The following KATNB1 variants were observed in gnomAD, a reference collection of about 807,000 sequenced individuals.
KATNB1 encodes the protein katanin p80 WD40 repeat-containing subunit B1.
In KATNB1, 38 loss-of-function variants were observed where a neutral mutation model predicts 82.3. The ratio of observed to expected loss-of-function variants is 0.46; its 90% CI spans 0.36 to 0.61. The LOEUF (loss-of-function observed/expected upper bound fraction) is 0.61, where lower values mean the gene tolerates loss of function less well. Among genes scored for constraint, KATNB1 ranks in the 20% least tolerant of loss-of-function variants. The pLI is 0.00. For missense variants in KATNB1, 749 were observed against 915.7 expected, an observed-to-expected ratio of 0.82 and a Z score of 2.35; for synonymous variants, 361 against 368.7, an observed-to-expected ratio of 0.98 and a Z score of 0.24.
At position 57,744,444 on chromosome 16, in the gene KATNB1, C is replaced by G. The variant is rs375384692; in HGVS notation, c.222C>G (p.Pro74=). The part of the protein sequence containing the change: ...SPVESVRLNT[P]EELIVAGSQS... ...TGGAGAGCGTCCGCCTCAACACCCC[C>G]GAGGAGCTCATCGTGGCCGGCTCTC... Residue 74 remains proline, a synonymous_variant, in exon 4 of 20, where the codon CCC becomes CCG. Coordinates refer to ENST00000379661, the MANE Select transcript of KATNB1 (RefSeq NM_005886.3). The G allele has an allele frequency of 4.3e-6, 7 of 1,614,052 alleles. No individual in the cohort carries two copies. Among genetic ancestry groups the G allele is most frequent in the South Asian group, 3.3e-5 (3 of 91,090 alleles).
Position 57,751,639 on chromosome 16 carries a change from A to G in KATNB1, c.433-2A>G. 2 of 1,610,714 alleles carry G rather than the reference A, an allele frequency of 1.2e-6. No homozygotes were observed. The stretch of plus-strand genomic sequence containing the variant: ...GTGAGCTCATGCCGTGTCCTCCCTC[A>G]GGGGCACAGCCAGGCCGTGCGGTGT... On this transcript the variant is annotated splice_acceptor_variant, in intron 6 of 19. Transcript: ENST00000379661. LOFTEE classifies it high-confidence loss of function. This position sits in a 1 kb window ranked among gnomAD's most constrained non-coding sequence, Gnocchi z 6.3.
chr16:57,747,284 G>A (rs1218171986), intron 4 of KATNB1, among the ~76,000 whole-genome samples: 2 of 152,198 alleles, frequency 1.3e-5, no homozygotes, highest in African/African-American at 4.8e-5. Context: ...GGATTTTGCC[G>A]AGGCTGCTTT....
Position 57,741,967 on chromosome 16 carries a change from C to T in KATNB1, c.171+150C>T, listed in dbSNP as rs1198433213. The T allele has an allele frequency of 1.2e-5, 11 of 912,472 alleles. No individual in the cohort carries two copies. The East Asian group carries it at 1.3e-4, about 11-fold the overall frequency. The allele number at this position is 912,472 out of a possible 1,614,324, so 56.5% of individuals were successfully genotyped here. ...GGGCCCAGCTCAGGGGTGGAGGGGG[C>T]GTGGTGGGGACACCATCAGTGCTTC... On this transcript the variant is annotated intron_variant, in intron 3 of 19. Coordinates refer to ENST00000379661, the MANE Select transcript of KATNB1 (RefSeq NM_005886.3).
chr16:57,756,254 G>A, intron 18 of KATNB1, 102 bp from the exon 19 acceptor site: 1 of 1,166,930 alleles, frequency 8.6e-7, no homozygotes, highest in Non-Finnish European at 1.3e-6. Flanking sequence ...GTGTGGGTGT[G>A]TCTGTGTCTG....
chr16:57,744,409 A>T lies in KATNB1; in HGVS notation c.187A>T (p.Thr63Ser), dbSNP rs1429778607. Reference sequence around the variant, plus strand: ...CTCTCCACAGAGCCTGACGGGCCACACATCCCCAGTGGAGAGCGTCCGCCT... The same window carrying T: ...CTCTCCACAGAGCCTGACGGGCCACTCATCCCCAGTGGAGAGCGTCCGCCT... ...PNCIMSLTGH[T>S]SPVESVRLNT... The change falls in exon 4 of 20, where the codon ACA becomes TCA. Residue 63 changes from threonine to serine, a missense_variant. Physicochemically the swap from Thr to Ser is moderately conservative, Grantham distance 58. Coordinates refer to ENST00000379661, the MANE Select transcript of KATNB1 (RefSeq NM_005886.3). The T allele has an allele frequency of 1.2e-6, 2 of 1,613,522 alleles. No homozygotes were observed. Among genetic ancestry groups the T allele is most frequent in the African/African-American group, 2.7e-5 (2 of 75,052 alleles).
chr16:57,747,574 G>A (rs551217692), intron 4 of KATNB1, among the ~76,000 whole-genome samples: 5 of 152,338 alleles, frequency 3.3e-5, no homozygotes, highest in East Asian at 1.9e-4. Context: ...CAGGCTTTGC[G>A]TCTCGGCACG....
At chr16:57,740,493 C>T (rs923905720) in intron 2 of KATNB1, among the ~76,000 whole-genome samples, 2 of 152,228 alleles carry the variant, frequency 1.3e-5, no homozygotes, top group Admixed American at 6.5e-5. Flanking sequence ...CTCTGTGGAG[C>T]GCCGTGGCTC....
At chr16:57,756,230 G>T in intron 18 of KATNB1, 126 bp from the exon 19 acceptor site, 1 of 1,099,004 alleles carries the variant, frequency 9.1e-7, no homozygotes, top group Non-Finnish European at 1.4e-6. Flanking sequence ...GGAAACAGGC[G>T]TGTGTGGGTG....
Position 57,751,428 on chromosome 16 carries a change from A to G in KATNB1, c.432+126A>G. The G allele has an allele frequency of 4.6e-6, 5 of 1,090,658 alleles. No individual in the cohort carries two copies. The highest frequency in any genetic ancestry group is 7.0e-6 in the Non-Finnish European group (5 of 716,984). The allele number at this position is 1,090,658 out of a possible 1,614,324, so 67.6% of individuals were successfully genotyped here. On this transcript the variant is annotated intron_variant, in intron 6 of 19. Transcript: ENST00000379661. This position sits in a 1 kb window ranked among gnomAD's most constrained non-coding sequence, Gnocchi z 6.3. Reference sequence around the variant, plus strand: ...ACATGGGTGATAACATAAAACATAGACCTGGAGCTGAGCAGGAGCGCCATG... The same window carrying G: ...ACATGGGTGATAACATAAAACATAGGCCTGGAGCTGAGCAGGAGCGCCATG...
At chr16:57,754,837 A>T in intron 13 of KATNB1, 93 bp from the exon 14 acceptor site, 1 of 1,292,264 alleles carries the variant, frequency 7.7e-7, no homozygotes, top group South Asian at 1.2e-5. Context: ...CCATCCCCCC[A>T]TTGCAGATGC....
chr16:57,755,605 A>T (rs1567903882), intron 16 of KATNB1, 111 bp downstream of exon 16: 2 of 1,396,654 alleles, frequency 1.4e-6, no homozygotes, highest in African/African-American at 2.9e-5. Flanking sequence ...ACAGTGTGGG[A>T]TAGGCCATCC....
At chr16:57,752,103 C>T (rs529165099) in intron 8 of KATNB1, 48 bp downstream of exon 8, 24 of 1,204,004 alleles carry the variant, frequency 2.0e-5, no homozygotes, top group African/African-American at 9.0e-5. Flanking sequence ...TGTCCTTCAC[C>T]GCCTTGTCCT....
At chr16:57,741,624 C>A in intron 2 of KATNB1, 63 bp from the exon 3 acceptor site, 1 of 1,551,924 alleles carries the variant, frequency 6.4e-7, no homozygotes, top group Admixed American at 1.8e-5. Flanking sequence ...AGCAGGGTCA[C>A]CCCTCCTTCA....
chr16:57,740,162 G>A (rs1317396832), intron 2 of KATNB1, among the ~76,000 whole-genome samples: 2 of 152,116 alleles, frequency 1.3e-5, no homozygotes, highest in Non-Finnish European at 2.9e-5. Flanking sequence ...TCATCGAGAC[G>A]GGACTAAAGT....
Position 57,756,040 on chromosome 16 carries a change from G to A in KATNB1, c.1692G>A (p.Glu564=), listed in dbSNP as rs554613545. ...GCACCACCGTCCTGCCACAGATTGAGAAGCTTCTGCAGAGCAAGTATGAGA... is the reference window on the plus strand; with the variant it reads ...GCACCACCGTCCTGCCACAGATTGAAAAGCTTCTGCAGAGCAAGTATGAGA... ...DLCTTVLPQI[E]KLLQSKYESY... is the part of the protein sequence containing the mutation. The change falls in exon 18 of 20, where the codon GAG becomes GAA. Residue 564 remains glutamate, a synonymous_variant. Transcript: ENST00000379661. 71 of 1,610,520 alleles carry A rather than the reference G, an allele frequency of 4.4e-5. 1 individual carries two copies. The Middle Eastern group carries it at 9.9e-4, about 22-fold the overall frequency.
At chr16:57,754,223 A>G (rs1555584823) in intron 13 of KATNB1, among the ~76,000 whole-genome samples, 1 of 151,772 alleles carries the variant, frequency 6.6e-6, no homozygotes, top group Non-Finnish European at 1.5e-5. Context: ...GGGGACAAAC[A>G]TGGACACCAC....
chr16:57,744,508 A>G lies in KATNB1; in HGVS notation c.286A>G (p.Lys96Glu). ...SIRVWDLEAA[K>E]ILRTLMGHKA... ...CCGTGTCTGGGACCTGGAAGCTGCC[A>G]AAAGTAGGCCTCCGAGCTTGCCTCC... The change falls in exon 4 of 20, where the codon AAA becomes GAA. Residue 96 changes from lysine to glutamate, a missense_variant. Coordinates refer to ENST00000379661, the MANE Select transcript of KATNB1 (RefSeq NM_005886.3). The G allele has an allele frequency of 6.2e-7, 1 of 1,612,812 alleles. No individual in the cohort carries two copies. The highest frequency in any genetic ancestry group is 8.5e-7 in the Non-Finnish European group (1 of 1,178,928).
At chr16:57,742,670 G>A (rs1555580063) in intron 3 of KATNB1, among the ~76,000 whole-genome samples, 1 of 152,214 alleles carries the variant, frequency 6.6e-6, no homozygotes, top group Admixed American at 6.5e-5. Flanking sequence ...TGGCTTAATG[G>A]TGTTCCATTG....
chr16:57,737,239 G>A lies in KATNB1; in HGVS notation c.-5G>A, dbSNP rs1214524204. Reference sequence around the variant, plus strand: ...GTGGGGCTTCAGGTGCCAGCCAGCTGAAGGATGGCCACCCCTGTGGTCACC... The same window carrying A: ...GTGGGGCTTCAGGTGCCAGCCAGCTAAAGGATGGCCACCCCTGTGGTCACC... On this transcript the variant is annotated 5_prime_UTR_variant, in exon 2 of 20. An upstream open reading frame in the 5' UTR loses its in-frame stop. Coordinates refer to ENST00000379661, the MANE Select transcript of KATNB1 (RefSeq NM_005886.3). 2 of 1,614,182 alleles carry A rather than the reference G, an allele frequency of 1.2e-6. No individual in the cohort carries two copies. Among genetic ancestry groups the A allele is most frequent in the African/African-American group, 2.7e-5 (2 of 75,072 alleles).
Sources: allele counts gnomAD v4.1 joint callset (sites outside exome capture counted in the v4.1 genomes callset), GRCh38; gene constraint gnomAD v4.1.1; non-coding constraint Gnocchi (gnomAD v3.1); transcripts MANE v1.5; gene names NCBI Gene and HGNC (gene_info 2026-07-23, HGNC 2026-07-21).